Variants in MCM9 observed in about 807,000 individuals in gnomAD.
MCM9 encodes minichromosome maintenance 9 homologous recombination repair factor, also known as DNA helicase MCM9.
Under a neutral mutation model 72.8 loss-of-function variants are expected in MCM9, and 55 were observed. The ratio of observed to expected loss-of-function variants is 0.76; its 90% CI spans 0.61 to 0.95. The LOEUF is 0.95. Ranked by LOEUF, MCM9 falls within the 40% of genes least tolerant of loss-of-function variation. The pLI, the probability that MCM9 is intolerant of heterozygous loss-of-function variation, is 0.00. For missense variants in MCM9, 1,279 were observed against 1,377.0 expected (o/e 0.93, Z 1.13); for synonymous variants, 480 against 503.4 (o/e 0.95, Z 0.62).
chr6:118,842,241 G>A (rs925034575), intron 9 of MCM9, among the ~76,000 whole-genome samples: 1 of 152,186 alleles, frequency 6.6e-6, no homozygotes, highest in Non-Finnish European at 1.5e-5. Context: ...CCTAAAATGT[G>A]TCTTCAACAA....
At chr6:118,891,024 A>C (rs143385611) in intron 8 of MCM9, among the ~76,000 whole-genome samples, 2,123 of 152,320 alleles carry the variant, frequency 0.014, 42 homozygotes, top group African/African-American at 0.049. Flanking sequence ...TTAATTTGGC[A>C]CATTTTGATT....
intron 8 of MCM9, chr6:118,907,778 T>C (rs925789969): frequency 8.9e-6 from 5 of 562,240 alleles, no homozygotes; most frequent in African/African-American, 7.5e-5. Context: ...TTGTGGAATA[T>C]AAATACAACT....
At chr6:118,930,746 A>C (rs1272811132) in intron 3 of MCM9, among the ~76,000 whole-genome samples, 1 of 152,188 alleles carries the variant, frequency 6.6e-6, no homozygotes, top group Non-Finnish European at 1.5e-5. Flanking sequence ...AATTACTTCC[A>C]TGCAATGAAC....
Position 118,815,116 on chromosome 6 carries a change from C to G in MCM9, c.3140G>C (p.Ser1047Thr), listed in dbSNP as rs182737390. The G allele has an allele frequency of 1.6e-4, 253 of 1,550,668 alleles. No individual in the cohort carries two copies. In the African/African-American group the frequency reaches 2.9e-3, roughly 18 times the overall value. The change falls in exon 14 of 14, where the codon AGC (serine) becomes ACC (threonine). Residue 1047 changes from serine (S) to threonine (T), a missense_variant. Ser to Thr is a moderately conservative substitution (Grantham distance 58, BLOSUM62 1). Transcript: ENST00000619706. ...TAATGTGCAGGCATGAACCTTGCCG[C>G]TTTTATTACTGCCTGAAACCTCTTC... ...KKEEVSGSNK[S>T]GKVHACTLAR...
At chr6:118,879,882 A>G (rs1778176501) in intron 8 of MCM9, among the ~76,000 whole-genome samples, 1 of 152,084 alleles carries the variant, frequency 6.6e-6, no homozygotes, top group Admixed American at 6.6e-5. Flanking sequence ...TGTCTCTATT[A>G]ATAATACAAA....
chr6:118,913,483 C>T (rs1209469845), intron 6 of MCM9, 63 bp from the exon 7 acceptor site: 1 of 1,598,534 alleles, frequency 6.3e-7, no homozygotes, highest in African/African-American at 1.3e-5. Context: ...CTGAAATTTC[C>T]CTTCCTTTCC....
At position 118,931,460 on chromosome 6, in the gene MCM9, C is replaced by CTT. The variant is rs756399403; in HGVS notation, c.263_264insAA (p.Ala89ArgfsTer5). 3.1e-6 allele frequency: 5 copies of CTT among 1,613,858 alleles called. No homozygotes were observed. Among genetic ancestry groups the CTT allele is most frequent in the Non-Finnish European group, 4.2e-6 (5 of 1,179,778 alleles). Reference sequence around the variant, plus strand: ...GAAGATTCTGTTTCATGGAAACAGCCTCAGGCTGAGAAAGGGACTGGAGAA... The same window carrying CTT: ...GAAGATTCTGTTTCATGGAAACAGCCTTTCAGGCTGAGAAAGGGACTGGAGAA... On this transcript the variant is annotated frameshift_variant, in exon 3 of 14. Coordinates refer to ENST00000619706, the MANE Select transcript of MCM9 (RefSeq NM_017696.3). LOFTEE classifies it high-confidence loss of function.
intron 8 of MCM9, among the ~76,000 whole-genome samples, chr6:118,871,861 C>A (rs149878983): frequency 6.6e-6 from 1 of 151,300 alleles, no homozygotes; most frequent in Non-Finnish European, 1.5e-5. Flanking sequence ...CAGCAGAGAT[C>A]GCACCACCGA....
At chr6:118,925,312 A>C (rs1476009688) in intron 3 of MCM9, among the ~76,000 whole-genome samples, 1 of 152,180 alleles carries the variant, frequency 6.6e-6, no homozygotes, top group Non-Finnish European at 1.5e-5. Flanking sequence ...AGGTACGCCT[A>C]CTGAAGGCCC....
At position 118,934,986 on chromosome 6, in the gene MCM9, G is replaced by A. The variant is rs1782793534; in HGVS notation, c.-245C>T. 1 of 152,372 alleles carries A rather than the reference G, an allele frequency of 6.6e-6. No homozygotes were observed. 9.4% of individuals were successfully genotyped at this position (152,372 alleles called of 1,614,324 possible). ...AGCGGGTTCGTCTCCGGCGCAAGAA[G>A]GCTGGTGAGGCGGAGTGCGCGCGTG... On this transcript the variant is annotated 5_prime_UTR_variant, in exon 1 of 14. Coordinates refer to ENST00000619706, the MANE Select transcript of MCM9 (RefSeq NM_017696.3).
chr6:118,867,585 C>G (rs1489135339), intron 8 of MCM9, among the ~76,000 whole-genome samples: 2 of 152,144 alleles, frequency 1.3e-5, no homozygotes, highest in Non-Finnish European at 2.9e-5. Context: ...TACACAATTA[C>G]TTATCATTGT....
At chr6:118,896,220 T>C (rs1467006377) in intron 8 of MCM9, among the ~76,000 whole-genome samples, 4 of 152,158 alleles carry the variant, frequency 2.6e-5, no homozygotes, top group Non-Finnish European at 5.9e-5. Flanking sequence ...ACTATTAATA[T>C]AAGCATTGCA....
chr6:118,892,885 G>T (rs1779041556), intron 8 of MCM9, among the ~76,000 whole-genome samples: 1 of 152,198 alleles, frequency 6.6e-6, no homozygotes, highest in Admixed American at 6.5e-5. Flanking sequence ...ACCATCAGAT[G>T]AAAACGTTTC....
chr6:118,927,670 T>C (rs903454479), intron 3 of MCM9, among the ~76,000 whole-genome samples: 5 of 151,826 alleles, frequency 3.3e-5, no homozygotes, highest in African/African-American at 1.2e-4. Flanking sequence ...AAGTGATGTA[T>C]CAATGAAGTC....
chr6:118,883,069 C>CAAAA (rs36162403), intron 8 of MCM9, among the ~76,000 whole-genome samples: 1 of 46,150 alleles, frequency 2.2e-5, no homozygotes, highest in Non-Finnish European at 4.8e-5. Context: ...CTCAAAGATG[C>CAAAA]AAAAAAAAAA....
At chr6:118,867,287 T>C (rs1328069208) in intron 8 of MCM9, among the ~76,000 whole-genome samples, 1 of 152,190 alleles carries the variant, frequency 6.6e-6, no homozygotes, top group African/African-American at 2.4e-5. Context: ...CATAAAATTA[T>C]AATGGAGCTG....
intron 8 of MCM9, among the ~76,000 whole-genome samples, chr6:118,867,664 G>A (rs1478960648): frequency 6.6e-6 from 1 of 152,090 alleles, no homozygotes; most frequent in Non-Finnish European, 1.5e-5. Context: ...GAGCAAAAGA[G>A]TATACCATGT....
chr6:118,894,371 C>G (rs780570312), intron 8 of MCM9: 100 of 1,535,726 alleles, frequency 6.5e-5, no homozygotes, highest in Middle Eastern at 1.7e-4. Flanking sequence ...TTTATTGTGC[C>G]GCAACCAGCC....
chr6:118,877,639 A>G (rs1335846826), intron 8 of MCM9, among the ~76,000 whole-genome samples: 1 of 152,190 alleles, frequency 6.6e-6, no homozygotes, highest in African/African-American at 2.4e-5. Flanking sequence ...GTTTGGCAAT[A>G]TCTACAAAAG....
Sources: allele counts gnomAD v4.1 joint callset (sites outside exome capture counted in the v4.1 genomes callset), GRCh38; gene constraint gnomAD v4.1.1; transcripts MANE v1.5; gene names NCBI Gene and HGNC (gene_info 2026-07-23, HGNC 2026-07-21).